PRKAG2: variants seen among roughly 807,000 people sequenced by gnomAD.
PRKAG2 encodes the protein protein kinase AMP-activated non-catalytic subunit gamma 2.
Under a neutral mutation model 69.6 loss-of-function variants are expected in PRKAG2, and 26 were observed. The ratio of observed to expected loss-of-function variants is 0.37; its 90% CI spans 0.27 to 0.52. The LOEUF (loss-of-function observed/expected upper bound fraction) is 0.52, where lower values mean the gene tolerates loss of function less well. PRKAG2 is among the 20% of genes least tolerant of loss of function. The pLI, the probability that PRKAG2 is intolerant of heterozygous loss-of-function variation, is 0.90. For missense variants in PRKAG2, 557 were observed against 740.0 expected (o/e 0.75, Z 2.87); for synonymous variants, 293 against 285.0 (o/e 1.03, Z -0.28).
chr7:151,574,454 C>G (rs1373200723), intron 8 of PRKAG2, among the ~76,000 whole-genome samples: 19 of 152,222 alleles, frequency 1.2e-4, no homozygotes, highest in Middle Eastern at 3.2e-3. Flanking sequence ...ATTTATTTCA[C>G]TTTAATGACT....
chr7:151,704,216 C>T (rs1017189667), intron 3 of PRKAG2, among the ~76,000 whole-genome samples: 4 of 152,190 alleles, frequency 2.6e-5, no homozygotes, highest in African/African-American at 7.2e-5. Context: ...AATCCAATTA[C>T]ACTTTTTAAG....
intron 3 of PRKAG2, among the ~76,000 whole-genome samples, chr7:151,740,707 A>C (rs1238379423): frequency 6.6e-6 from 1 of 152,246 alleles, no homozygotes; most frequent in East Asian, 1.9e-4. Context: ...CCGTGGCTGC[A>C]AGTGTCGTCA....
chr7:151,832,807 G>A (rs2079068650), intron 1 of PRKAG2, among the ~76,000 whole-genome samples: 1 of 152,032 alleles, frequency 6.6e-6, no homozygotes, highest in Non-Finnish European at 1.5e-5. Flanking sequence ...GTAATAAATG[G>A]GCAGCCTCCC....
At chr7:151,666,975 T>C (rs1831141772) in intron 4 of PRKAG2, among the ~76,000 whole-genome samples, 2 of 152,184 alleles carry the variant, frequency 1.3e-5, no homozygotes, top group African/African-American at 4.8e-5. Context: ...TTGAGAACCC[T>C]GCCAACTGAC....
At chr7:151,798,605 G>C (rs1002716082) in intron 1 of PRKAG2, among the ~76,000 whole-genome samples, 1 of 152,244 alleles carries the variant, frequency 6.6e-6, no homozygotes, top group Non-Finnish European at 1.5e-5. Flanking sequence ...ATGAGCCGCT[G>C]TACCCAGCCT....
Position 151,596,352 on chromosome 7 carries a change from A to G in PRKAG2, c.755-898T>C, listed in dbSNP as rs191819306. On this transcript the variant is annotated intron_variant, in intron 5 of 15. Transcript: ENST00000287878. ...AACTATCCGAAATAGAAATAATAAA[A>G]GAATCCCATTTACAATAGCTACAAA... Among the ~76,000 whole-genome samples the G allele has an allele frequency of 7.9e-4, 121 of 152,366 alleles. 1 individual carries two copies. In the East Asian group the frequency reaches 0.022, roughly 28 times the overall value.
intron 5 of PRKAG2, among the ~76,000 whole-genome samples, chr7:151,623,517 C>T (rs1822066913): frequency 2.0e-5 from 3 of 152,082 alleles, no homozygotes; most frequent in South Asian, 2.1e-4. Flanking sequence ...AATGCTCGCT[C>T]GCCTGCTGCT....
At chr7:151,569,913 G>A (rs1215241583) in intron 10 of PRKAG2, among the ~76,000 whole-genome samples, 2 of 152,094 alleles carry the variant, frequency 1.3e-5, no homozygotes, top group Non-Finnish European at 2.9e-5. Context: ...ATTTCAACAC[G>A]CCCCCCAGAT....
At chr7:151,848,981 G>A (rs1030518199) in intron 1 of PRKAG2, among the ~76,000 whole-genome samples, 2 of 152,232 alleles carry the variant, frequency 1.3e-5, no homozygotes, top group African/African-American at 2.4e-5. Flanking sequence ...CCACCGAGCC[G>A]TACGGGTTGG....
intron 4 of PRKAG2, among the ~76,000 whole-genome samples, chr7:151,650,394 G>T (rs1394333191): frequency 6.6e-6 from 1 of 152,116 alleles, no homozygotes; most frequent in Non-Finnish European, 1.5e-5. Flanking sequence ...TCTAGGGAAT[G>T]GTTTGCATGT....
Position 151,669,784 on chromosome 7 carries a change from GCACACACCTGTGCACACACTTGCACA to G in PRKAG2, c.684+5610_684+5635del, listed in dbSNP as rs1313515028. ...CACACACCTGTGCACACACTTGCAC[GCACACACCTGTGCACACACTTGCACA>G]CACACACACCTGTGCACCTGCAGGC... On this transcript the variant is annotated intron_variant, in intron 4 of 15. Transcript: ENST00000287878. Among the ~76,000 whole-genome samples, 4 of 135,190 alleles carry G rather than the reference GCACACACCTGTGCACACACTTGCACA, an allele frequency of 3.0e-5. No homozygotes were observed. The East Asian group carries it at 6.6e-4, about 22-fold the overall frequency. 88.7% of individuals were successfully genotyped at this position (135,190 alleles called of 152,430 possible). A position where few individuals can be genotyped will look rare whatever the true frequency, so the allele number is the denominator to read the frequency against.
chr7:151,826,242 G>A (rs549572503), intron 1 of PRKAG2, among the ~76,000 whole-genome samples: 22 of 151,682 alleles, frequency 1.5e-4, no homozygotes, highest in African/African-American at 4.8e-4. Flanking sequence ...GTGCAGTGGC[G>A]TGACCTCGGC....
At chr7:151,679,897 T>A (rs928853385) in intron 3 of PRKAG2, among the ~76,000 whole-genome samples, 1 of 134,900 alleles carries the variant, frequency 7.4e-6, no homozygotes, top group African/African-American at 2.7e-5. Context: ...AGACCCTGTC[T>A]CTATTAAAAA....
At chr7:151,605,472 C>T (rs966489089) in intron 5 of PRKAG2, among the ~76,000 whole-genome samples, 11 of 151,800 alleles carry the variant, frequency 7.2e-5, no homozygotes, top group Admixed American at 2.0e-4. Context: ...CAGTGGCTCA[C>T]GCCTGTAATC....
At chr7:151,820,431 G>A (rs932067589) in intron 1 of PRKAG2, among the ~76,000 whole-genome samples, 2 of 127,598 alleles carry the variant, frequency 1.6e-5, no homozygotes, top group African/African-American at 6.2e-5. Context: ...CACTCTACTC[G>A]GAACACCGCT....
At chr7:151,768,584 G>A (rs1325461470) in intron 3 of PRKAG2, among the ~76,000 whole-genome samples, 1 of 152,170 alleles carries the variant, frequency 6.6e-6, no homozygotes, top group Non-Finnish European at 1.5e-5. Context: ...TCCTGCCTCA[G>A]CCTCCCTTAG....
intron 1 of PRKAG2, among the ~76,000 whole-genome samples, chr7:151,865,975 G>C (rs531053680): frequency 6.9e-6 from 1 of 144,708 alleles, no homozygotes; most frequent in Admixed American, 7.1e-5. Context: ...AGCGGAGATC[G>C]CACCACTGCA....
chr7:151,778,601 G>A (rs1011228839), intron 3 of PRKAG2, among the ~76,000 whole-genome samples: 4 of 152,188 alleles, frequency 2.6e-5, no homozygotes, highest in Admixed American at 1.3e-4. Flanking sequence ...TAGCCCTTAA[G>A]GCTGAGCACG....
At position 151,770,861 on chromosome 7, in the gene PRKAG2, C is replaced by A. The variant is rs1174365674; in HGVS notation, c.466+10291G>T. Among the ~76,000 whole-genome samples the A allele has an allele frequency of 2.0e-5, 3 of 152,300 alleles. No homozygotes were observed. The South Asian group carries it at 6.2e-4, about 32-fold the overall frequency. On this transcript the variant is annotated intron_variant, in intron 3 of 15. Transcript: ENST00000287878. ...CCAGTGAACAAACCACCATGCCCCACGCCCCATCCCCGACTTTAGCATTAA... is the reference window on the plus strand; with the variant it reads ...CCAGTGAACAAACCACCATGCCCCAAGCCCCATCCCCGACTTTAGCATTAA...
Sources: allele counts gnomAD v4.1 joint callset (sites outside exome capture counted in the v4.1 genomes callset), GRCh38; gene constraint gnomAD v4.1.1; transcripts MANE v1.5; gene names NCBI Gene and HGNC (gene_info 2026-07-23, HGNC 2026-07-21).